The following PEX7 variants were observed in gnomAD, a reference collection of about 807,000 sequenced individuals.
The protein encoded by PEX7 is peroxisomal biogenesis factor 7, also known as PTS2 receptor.
A neutral mutation model predicts 47.5 loss-of-function variants in PEX7; 34 were observed. That is an observed-to-expected ratio of 0.72 (90% CI 0.54 to 0.95). The LOEUF (loss-of-function observed/expected upper bound fraction) is 0.95, where lower values mean the gene tolerates loss of function less well. PEX7 is among the 40% of genes least tolerant of loss of function. The pLI is 0.00. For synonymous variants in PEX7, 141 were observed against 148.8 expected, an observed-to-expected ratio of 0.95 and a Z score of 0.38; for missense variants, 394 against 400.3, an observed-to-expected ratio of 0.98 and a Z score of 0.13.
At chr6:136,859,196 C>G (rs1366632817) in intron 5 of PEX7, among the ~76,000 whole-genome samples, 1 of 152,124 alleles carries the variant, frequency 6.6e-6, no homozygotes, top group Non-Finnish European at 1.5e-5. Context: ...ATTAGATAAG[C>G]TAAGACAGGC....
intron 5 of PEX7, among the ~76,000 whole-genome samples, chr6:136,854,197 GT>G (rs1218620140): frequency 1.3e-5 from 2 of 151,986 alleles, no homozygotes; most frequent in East Asian, 3.9e-4. Flanking sequence ...CATCTTTTAT[GT>G]TTTTATTATT....
intron 1 of PEX7, 151 bp from the exon 2 acceptor site, chr6:136,825,063 G>C: frequency 1.5e-6 from 1 of 689,100 alleles, no homozygotes; most frequent in Non-Finnish European, 2.6e-6. Context: ...GGGAGAAATT[G>C]ATCACCTGAC....
intron 8 of PEX7, among the ~76,000 whole-genome samples, chr6:136,878,797 T>A (rs1775323663): frequency 6.6e-6 from 1 of 152,214 alleles, no homozygotes; most frequent in Non-Finnish European, 1.5e-5. Context: ...TGTGTCATAT[T>A]TTATGTTATG....
intron 3 of PEX7, among the ~76,000 whole-genome samples, chr6:136,829,144 C>T (rs1444816135): frequency 6.6e-6 from 1 of 152,120 alleles, no homozygotes; most frequent in Admixed American, 6.5e-5. Flanking sequence ...ATGAAGATAA[C>T]CTTTTTAGGT....
At chr6:136,893,936 C>G (rs1775600069) in intron 8 of PEX7, among the ~76,000 whole-genome samples, 1 of 152,126 alleles carries the variant, frequency 6.6e-6, no homozygotes, top group Non-Finnish European at 1.5e-5. Flanking sequence ...GGCTAAATTT[C>G]AAAAGTGTTA....
intron 5 of PEX7, among the ~76,000 whole-genome samples, chr6:136,866,149 A>G (rs1775068554): frequency 6.6e-6 from 1 of 152,042 alleles, no homozygotes; most frequent in African/African-American, 2.4e-5. Flanking sequence ...TGAGGAGAAA[A>G]ATACACTTAT....
chr6:136,881,296 A>C (rs914489915), intron 8 of PEX7, among the ~76,000 whole-genome samples: 1 of 152,210 alleles, frequency 6.6e-6, no homozygotes, highest in Admixed American at 6.5e-5. Flanking sequence ...GTGAATGGCC[A>C]GTAATGTCAG....
chr6:136,824,627 CT>C (rs1403243650), intron 1 of PEX7, among the ~76,000 whole-genome samples: 1 of 152,122 alleles, frequency 6.6e-6, no homozygotes, highest in Non-Finnish European at 1.5e-5. Flanking sequence ...GTAAACATAA[CT>C]TTTAAAATAC....
intron 9 of PEX7, among the ~76,000 whole-genome samples, chr6:136,904,011 C>T (rs1205147272): frequency 1.3e-5 from 2 of 152,034 alleles, no homozygotes; most frequent in Non-Finnish European, 2.9e-5. Flanking sequence ...TTGGTTCAAA[C>T]CTCTATTGCC....
chr6:136,866,211 C>T (rs1015862246), intron 5 of PEX7, among the ~76,000 whole-genome samples: 3 of 151,754 alleles, frequency 2.0e-5, no homozygotes, highest in Admixed American at 1.3e-4. Flanking sequence ...AAAAAATTCT[C>T]CATTTTGGCT....
At chr6:136,908,532 G>A (rs1364169945) in intron 9 of PEX7, among the ~76,000 whole-genome samples, 2 of 152,078 alleles carry the variant, frequency 1.3e-5, no homozygotes, top group Non-Finnish European at 2.9e-5. Context: ...AAGGGCATAG[G>A]GATGAAATGT....
At position 136,866,477 on chromosome 6, in the gene PEX7, A is replaced by G. The variant is rs1775073888; in HGVS notation, c.527-150A>G. Reference sequence around the variant, plus strand: ...TCCTTCATTTGAATAGTTCCTATACATTATTATGGTTTAAAAAATAAGTCT... The same window carrying G: ...TCCTTCATTTGAATAGTTCCTATACGTTATTATGGTTTAAAAAATAAGTCT... On this transcript the variant is annotated intron_variant, in intron 5 of 9. Coordinates refer to ENST00000318471, the MANE Select transcript of PEX7 (RefSeq NM_000288.4). 5 of 691,882 alleles carry G rather than the reference A, an allele frequency of 7.2e-6. 1 individual carries two copies. The highest frequency in any genetic ancestry group is 6.3e-5 in the Admixed American group (3 of 47,846). The allele number at this position is 691,882 out of a possible 1,614,324, so 42.9% of individuals were successfully genotyped here. A position where few individuals can be genotyped will look rare whatever the true frequency, so the allele number is the denominator to read the frequency against.
rs116931256 is a variant in PEX7, at chr6:136,833,231, G to C, written c.339+6762G>C. Among the ~76,000 whole-genome samples the C allele has an allele frequency of 2.7e-4, 41 of 152,278 alleles. No homozygotes were observed. In the East Asian group the frequency reaches 7.9e-3, roughly 29 times the overall value. ...ACACCTTCTTCAGAAGGTGACAGGA[G>C]AGAGAGAGCAAGGGAAACTGCCACT... On this transcript the variant is annotated intron_variant, in intron 3 of 9. Transcript: ENST00000318471.
intron 6 of PEX7, 109 bp downstream of exon 6, chr6:136,866,842 A>C: frequency 1.1e-6 from 1 of 903,822 alleles, no homozygotes; most frequent in Admixed American, 2.0e-5. Flanking sequence ...TGGACCATTA[A>C]GTTAAATTCT....
intron 2 of PEX7, 54 bp from the exon 3 acceptor site, chr6:136,826,265 T>C: frequency 1.3e-6 from 2 of 1,578,480 alleles, no homozygotes; most frequent in Non-Finnish European, 1.7e-6. Flanking sequence ...TTTTGTTGTG[T>C]AGCTGCCTAT....
intron 5 of PEX7, among the ~76,000 whole-genome samples, chr6:136,855,126 G>A (rs1774836287): frequency 6.6e-6 from 1 of 151,296 alleles, no homozygotes; most frequent in Non-Finnish European, 1.5e-5. Context: ...CTGTTCTAGT[G>A]AAACAGTGAA....
chr6:136,909,847 G>A (rs1050474369), intron 9 of PEX7, among the ~76,000 whole-genome samples: 19 of 152,184 alleles, frequency 1.2e-4, no homozygotes, highest in Non-Finnish European at 2.4e-4. Context: ...GGAGAGTGCC[G>A]AATAAGGTTT....
rs552445739 is a variant in PEX7, at chr6:136,913,657, C to A, written c.*131C>A. ...AGATTTCAAATCTTTCCAATTTACC[C>A]TGGAATCAGTTTTGAGGGAGCTGAT... is the stretch of plus-strand genomic sequence containing the variant. On this transcript the variant is annotated 3_prime_UTR_variant, in exon 10 of 10. Transcript: ENST00000318471. 1 of 760,892 alleles carries A rather than the reference C, an allele frequency of 1.3e-6. No homozygotes were observed. The highest frequency in any genetic ancestry group is 1.4e-5 in the South Asian group (1 of 69,418). The allele number at this position is 760,892 out of a possible 1,614,324, so 47.1% of individuals were successfully genotyped here.
Position 136,829,891 on chromosome 6 carries a change from C to T in PEX7, c.339+3422C>T, listed in dbSNP as rs543117629. On this transcript the variant is annotated intron_variant, in intron 3 of 9. Transcript: ENST00000318471. ...GGTGGAGGTTGCAGTGAGCTGAGTT[C>T]GTGCCATTGCACTCCAGCCTGGACA... is the stretch of plus-strand genomic sequence containing the variant. 2.0e-4 allele frequency: 129 copies of T among 645,638 alleles called. 1 individual carries two copies. Among genetic ancestry groups the T allele is most frequent in the African/African-American group, 1.8e-3 (96 of 54,564 alleles). The allele number at this position is 645,638 out of a possible 1,614,324, so 40.0% of individuals were successfully genotyped here.
Sources: gnomAD v4.1 joint callset for allele counts (sites outside exome capture counted in the v4.1 genomes callset) on GRCh38, gnomAD v4.1.1 for gene constraint, MANE v1.5 for transcripts, NCBI Gene and HGNC (gene_info 2026-07-23, HGNC 2026-07-21) for gene names.